FANCD2OS: variants seen among roughly 807,000 people sequenced by gnomAD.
The protein encoded by FANCD2OS is FANCD2 opposite strand protein.
Under a neutral mutation model 13.2 loss-of-function variants are expected in FANCD2OS, and 11 were observed. The ratio of observed to expected loss-of-function variants is 0.83; its 90% CI spans 0.52 to 1.38. The LOEUF is 1.38. Among genes scored for constraint, FANCD2OS ranks in the 40% most tolerant of loss-of-function variants. The pLI is 0.00. For synonymous variants in FANCD2OS, 69 were observed against 84.5 expected (o/e 0.82, Z 1.01); for missense variants, 217 against 213.9 (o/e 1.01, Z -0.09).
intron 2 of FANCD2OS, among the ~76,000 whole-genome samples, chr3:10,097,509 A>G (rs1170103026): frequency 6.6e-6 from 1 of 152,228 alleles, no homozygotes; most frequent in African/African-American, 2.4e-5. Context: ...TTTTGAAGGA[A>G]GAGAAACATG....
chr3:10,097,004 G>A (rs576343420), intron 2 of FANCD2OS, among the ~76,000 whole-genome samples: 2 of 152,204 alleles, frequency 1.3e-5, no homozygotes, highest in East Asian at 3.9e-4. Context: ...TGGGCGTCCG[G>A]GGGAGACATC....
At chr3:10,091,996 C>T (rs556950880) in intron 2 of FANCD2OS, among the ~76,000 whole-genome samples, 1 of 152,322 alleles carries the variant, frequency 6.6e-6, no homozygotes, top group South Asian at 2.1e-4. Flanking sequence ...ATGAGGTGTT[C>T]TAATGTTACC....
rs555096528 is a variant in FANCD2OS, at chr3:10,104,232, G to A, written c.*9C>T. The A allele has an allele frequency of 3.1e-6, 5 of 1,593,496 alleles. No homozygotes were observed. The African/African-American group carries it at 5.4e-5, about 17-fold the overall frequency. Reference sequence around the variant, plus strand: ...TGGTGTGAGTAAATGGGGATCAAATGAGGACCCTTTACTTGGAGTGCTGCA... The same window carrying A: ...TGGTGTGAGTAAATGGGGATCAAATAAGGACCCTTTACTTGGAGTGCTGCA... On this transcript the variant is annotated 3_prime_UTR_variant, in exon 2 of 2. Coordinates refer to ENST00000450660, the MANE Select transcript of FANCD2OS (RefSeq NM_001164839.2).
intron 1 of FANCD2OS, among the ~76,000 whole-genome samples, chr3:10,107,012 T>C (rs1695513293): frequency 6.6e-6 from 1 of 152,336 alleles, no homozygotes; most frequent in East Asian, 1.9e-4. Context: ...TTTCTCATGA[T>C]CTATGTAGGC....
chr3:10,090,337 G>T, intron 2 of FANCD2OS: 1 of 1,610,156 alleles, frequency 6.2e-7, no homozygotes, highest in Non-Finnish European at 8.5e-7. Context: ...CTGAACTAGA[G>T]AAGACGGTGA....
At chr3:10,091,431 C>T (rs1266963933) in intron 2 of FANCD2OS, among the ~76,000 whole-genome samples, 24 of 149,766 alleles carry the variant, frequency 1.6e-4, no homozygotes, top group Non-Finnish European at 3.1e-4. Flanking sequence ...AAGTTTGCAC[C>T]ACTGCACTCC....
intron 2 of FANCD2OS, among the ~76,000 whole-genome samples, chr3:10,086,609 G>A (rs1456775403): frequency 2.6e-5 from 4 of 152,000 alleles, no homozygotes; most frequent in African/African-American, 9.7e-5. Flanking sequence ...AGCCTCCCAA[G>A]ACGCTGGGAT....
chr3:10,104,455 A>G lies in FANCD2OS; in HGVS notation c.320T>C (p.Ile107Thr). 6.2e-7 allele frequency: 1 copy of G among 1,614,216 alleles called. No individual in the cohort carries two copies. Among genetic ancestry groups the G allele is most frequent in the South Asian group, 1.1e-5 (1 of 91,084 alleles). ...GGTCCACTTTGGTGGCTGAGCTGTG[A>G]TAACCCTGCCAAAGACAGAATCTAC... ...SGVDSVFGRVITAQPPKWTGT... is the reference protein window; with the variant it reads ...SGVDSVFGRVTTAQPPKWTGT... The change falls in exon 2 of 2, where the codon ATC becomes ACC. Residue 107 changes from isoleucine (I) to threonine (T), a missense_variant. Transcript: ENST00000450660.
At chr3:10,104,840 GCCTTTC>G in intron 1 of FANCD2OS, 58 bp from the exon 2 acceptor site, 1 of 1,450,772 alleles carries the variant, frequency 6.9e-7, no homozygotes, top group Non-Finnish European at 9.2e-7. Flanking sequence ...TGAGAGCATG[GCCTTTC>G]AAATTCCCAT....
chr3:10,088,797 T>G, intron 2 of FANCD2OS: 4 of 1,612,394 alleles, frequency 2.5e-6, no homozygotes, highest in Non-Finnish European at 2.5e-6. Flanking sequence ...CTTTGTTAAT[T>G]AGTGGGTCAA....
chr3:10,107,380 C>T (rs1238930546), intron 1 of FANCD2OS, among the ~76,000 whole-genome samples: 2 of 152,080 alleles, frequency 1.3e-5, no homozygotes, highest in East Asian at 2.0e-4. Context: ...CTCCGCCTCC[C>T]GGGTTCACGC....
At chr3:10,099,271 A>G, downstream of FANCD2OS, 1 of 1,277,678 alleles carries the variant, frequency 7.8e-7, no homozygotes, top group Non-Finnish European at 1.0e-6. Context: ...ATAAAAATAG[A>G]AGTTCTTACG....
intron 2 of FANCD2OS, among the ~76,000 whole-genome samples, chr3:10,085,516 G>T (rs1694136025): frequency 2.6e-5 from 4 of 151,116 alleles, no homozygotes; most frequent in Non-Finnish European, 5.9e-5. Flanking sequence ...CTCAGCCTCT[G>T]GAGTAGCTGG....
chr3:10,105,767 AAAAATTAT>A lies in FANCD2OS; in HGVS notation c.-8-993_-8-986del, dbSNP rs1695463564. On this transcript the variant is annotated intron_variant, in intron 1 of 1. Coordinates refer to ENST00000450660, the MANE Select transcript of FANCD2OS (RefSeq NM_001164839.2). Reference sequence around the variant, plus strand: ...CTCCATCTAAAAAAAAAAAAAAAAAAAAAATTATATATATATATATATATATATATATA... The same window carrying A: ...CTCCATCTAAAAAAAAAAAAAAAAAAATATATATATATATATATATATATA... Among the ~76,000 whole-genome samples the A allele has an allele frequency of 3.0e-4, 16 of 53,420 alleles. 1 individual carries two copies. The African/African-American group carries it at 3.3e-3, about 11-fold the overall frequency. 35.0% of individuals were successfully genotyped at this position (53,420 alleles called of 152,430 possible).
downstream of FANCD2OS, among the ~76,000 whole-genome samples, chr3:10,101,013 G>A (rs1452045042): frequency 6.6e-6 from 1 of 151,772 alleles, no homozygotes; most frequent in African/African-American, 2.4e-5. Context: ...AGGTTGCAGT[G>A]AGCTGAGATC....
chr3:10,081,618 T>C, intron 2 of FANCD2OS: 1 of 741,820 alleles, frequency 1.3e-6, no homozygotes, highest in South Asian at 1.4e-5. Flanking sequence ...GTCTGTATTA[T>C]TTCATTTGAT....
rs190990145 is a variant in FANCD2OS, at chr3:10,095,282, G to A, written c.*43+8916C>T. On this transcript the variant is annotated intron_variant, in intron 2 of 2. Coordinates refer to the FANCD2OS transcript ENST00000524279. Reference sequence around the variant, plus strand: ...CTGTGTGGGCATTCCAAGGTAAGAAGGGGAGCAGGTTCTATCAGCAGCCTG... The same window carrying A: ...CTGTGTGGGCATTCCAAGGTAAGAAAGGGAGCAGGTTCTATCAGCAGCCTG... 565 of 1,613,398 alleles carry A rather than the reference G, an allele frequency of 3.5e-4. 8 individuals carry two copies. In the South Asian group the frequency reaches 4.7e-3, roughly 13 times the overall value.
chr3:10,085,801 G>T, intron 2 of FANCD2OS: 2 of 1,587,766 alleles, frequency 1.3e-6, no homozygotes, highest in South Asian at 2.2e-5. Flanking sequence ...CTCTTACCTT[G>T]ACTTCCTTAG....
intron 2 of FANCD2OS, chr3:10,090,213 C>T: frequency 9.7e-7 from 1 of 1,031,174 alleles, no homozygotes; most frequent in Non-Finnish European, 1.5e-6. Flanking sequence ...AAGGAAGCTA[C>T]TTTTGGTTCC....
Sources: gnomAD v4.1 joint callset for allele counts (sites outside exome capture counted in the v4.1 genomes callset) on GRCh38, gnomAD v4.1.1 for gene constraint, MANE v1.5 for transcripts, NCBI Gene and HGNC (gene_info 2026-07-23, HGNC 2026-07-21) for gene names.